The following AKT2 variants were observed in gnomAD, a reference collection of about 807,000 sequenced individuals.
The protein encoded by AKT2 is RAC-beta serine/threonine-protein kinase.
Under a neutral mutation model 58.6 loss-of-function variants are expected in AKT2, and 16 were observed. The observed-to-expected ratio is 0.27, with a 90% CI of 0.18 to 0.41. The LOEUF (loss-of-function observed/expected upper bound fraction) is 0.41, where lower values mean the gene tolerates loss of function less well. AKT2 is among the 10% of genes least tolerant of loss of function. The pLI, the probability that AKT2 is intolerant of heterozygous loss-of-function variation, is 1.00. For synonymous variants in AKT2, 253 were observed against 254.0 expected (o/e 1.00, Z 0.04); for missense variants, 438 against 661.0 (o/e 0.66, Z 3.70).
At chr19:40,245,161 C>T (rs1366760267) in intron 4 of AKT2, among the ~76,000 whole-genome samples, 2 of 152,108 alleles carry the variant, frequency 1.3e-5, no homozygotes, top group Non-Finnish European at 2.9e-5. Context: ...GGCATCTGTG[C>T]AATGAGACAT....
At chr19:40,253,748 G>A (rs1463590263) in intron 4 of AKT2, among the ~76,000 whole-genome samples, 1 of 152,050 alleles carries the variant, frequency 6.6e-6, no homozygotes, top group East Asian at 1.9e-4. Context: ...GACAGACACG[G>A]CTATTTCACT....
In AKT2 at chr19:40,233,551, G is replaced by A. The variant is rs1369565132; in HGVS notation, c.*321C>T. ...GACACCCAGGCCAGAAACTCAGGCA[G>A]GCCCCAGGCGCCATGCTTCACCCCT... On this transcript the variant is annotated 3_prime_UTR_variant, in exon 14 of 14. Transcript: ENST00000392038. This position sits in a 1 kb window ranked among gnomAD's most constrained non-coding sequence, Gnocchi z 4.3. 1.5e-6 allele frequency: 1 copy of A among 659,002 alleles called. No homozygotes were observed. Among genetic ancestry groups the A allele is most frequent in the Non-Finnish European group, 2.9e-6 (1 of 349,258 alleles). The allele number at this position is 659,002 out of a possible 1,614,324, so 40.8% of individuals were successfully genotyped here. A position where few individuals can be genotyped will look rare whatever the true frequency, so the allele number is the denominator to read the frequency against.
chr19:40,281,446 C>G lies in AKT2; in HGVS notation c.-85+3735G>C, dbSNP rs914689882. On this transcript the variant is annotated intron_variant, in intron 1 of 13. Transcript: ENST00000392038. ...GGTCAAGCCTGCAGTGAGCTGTGAT[C>G]ACACCACTGCACTCCAGCCTGGGTG... is the stretch of plus-strand genomic sequence containing the variant. Among the ~76,000 whole-genome samples the G allele has an allele frequency of 2.6e-5, 4 of 152,044 alleles. No homozygotes were observed. The South Asian group carries it at 8.3e-4, about 31-fold the overall frequency.
Position 40,240,730 on chromosome 19 carries a change from T to A in AKT2, c.574-620A>T, listed in dbSNP as rs182954706. The stretch of plus-strand genomic sequence containing the variant: ...TGCAGCAACGTGAACACAGGCTCTC[T>A]CTGGGGCAAGTTTATCCCCAGGGGA... On this transcript the variant is annotated intron_variant, in intron 6 of 13. Coordinates refer to ENST00000392038, the MANE Select transcript of AKT2 (RefSeq NM_001626.6). The A allele has an allele frequency of 1.0e-4, 19 of 188,498 alleles. No individual in the cohort carries two copies. The East Asian group carries it at 1.2e-3, about 12-fold the overall frequency. The allele number at this position is 188,498 out of a possible 1,614,324, so 11.7% of individuals were successfully genotyped here.
intron 1 of AKT2, among the ~76,000 whole-genome samples, chr19:40,284,461 C>G (rs2077478124): frequency 6.6e-6 from 1 of 152,144 alleles, no homozygotes; most frequent in African/African-American, 2.4e-5. Flanking sequence ...CCCCAGTAAC[C>G]ATGACGTTCC....
chr19:40,263,978 G>T (rs1489980107), intron 2 of AKT2, among the ~76,000 whole-genome samples: 2 of 152,184 alleles, frequency 1.3e-5, no homozygotes, highest in Non-Finnish European at 2.9e-5. Flanking sequence ...CACGTTGCTT[G>T]TTTTTTCTCC....
chr19:40,246,780 A>T (rs1974778505), intron 4 of AKT2, among the ~76,000 whole-genome samples: 1 of 152,210 alleles, frequency 6.6e-6, no homozygotes. Flanking sequence ...TCCAGATGGG[A>T]ATCAGGAGCA....
intron 7 of AKT2, 65 bp from the exon 8 acceptor site, chr19:40,239,038 G>A: frequency 2.6e-6 from 4 of 1,553,384 alleles, no homozygotes; most frequent in Non-Finnish European, 8.8e-7. Context: ...CCATGCCAGG[G>A]CAGGGCCCTG....
At chr19:40,282,562 G>C (rs1042456104) in intron 1 of AKT2, 3 of 532,222 alleles carry the variant, frequency 5.6e-6, no homozygotes, top group Admixed American at 3.9e-5. Flanking sequence ...AGGAAGGAAA[G>C]ACATAGGACA....
chr19:40,276,086 T>C (rs1006761880), intron 1 of AKT2, among the ~76,000 whole-genome samples: 1 of 151,342 alleles, frequency 6.6e-6, no homozygotes, highest in Non-Finnish European at 1.5e-5. Context: ...TTCCTGCTAA[T>C]TAAGCACCGG....
Position 40,234,057 on chromosome 19 carries a change from G to A in AKT2, c.1367-106C>T. ...CCCAGCTGGCGGGGGCTGCCCACAG[G>A]ACAGGACAGGAAAGGCCCATCCCTC... On this transcript the variant is annotated intron_variant, in intron 13 of 13. Transcript: ENST00000392038. This position sits in a 1 kb window ranked among gnomAD's most constrained non-coding sequence, Gnocchi z 4.7. 1.7e-6 allele frequency: 2 copies of A among 1,151,516 alleles called. No homozygotes were observed. Among genetic ancestry groups the A allele is most frequent in the South Asian group, 1.4e-5 (1 of 71,618 alleles). The allele number at this position is 1,151,516 out of a possible 1,614,324, so 71.3% of individuals were successfully genotyped here.
At chr19:40,244,904 G>A (rs888957633) in intron 4 of AKT2, among the ~76,000 whole-genome samples, 10 of 152,176 alleles carry the variant, frequency 6.6e-5, no homozygotes, top group Non-Finnish European at 1.3e-4. Context: ...CCCCAGTCTC[G>A]TTTCCTGGTG....
At chr19:40,241,070 G>T in intron 6 of AKT2, 1 of 152,582 alleles carries the variant, frequency 6.6e-6, no homozygotes, top group Non-Finnish European at 1.5e-5. Context: ...TTACAGGCGT[G>T]AGCTGTGGCG....
chr19:40,239,833 T>C (rs544914914), intron 7 of AKT2: 4 of 703,878 alleles, frequency 5.7e-6, no homozygotes, highest in African/African-American at 1.7e-5. Context: ...GAAGCCACCA[T>C]CTATGAAGAA....
intron 4 of AKT2, among the ~76,000 whole-genome samples, chr19:40,248,214 G>A (rs1187607049): frequency 1.3e-5 from 2 of 152,104 alleles, no homozygotes; most frequent in Non-Finnish European, 2.9e-5. Context: ...GGCACTAGAG[G>A]GTCCTATCAG....
chr19:40,246,304 T>G (rs1163926827), intron 4 of AKT2, among the ~76,000 whole-genome samples: 1 of 152,136 alleles, frequency 6.6e-6, no homozygotes, highest in East Asian at 1.9e-4. Flanking sequence ...TTTTGTATTT[T>G]TAGTAGAGAC....
chr19:40,251,116 A>C (rs557010686), intron 4 of AKT2, among the ~76,000 whole-genome samples: 3 of 151,938 alleles, frequency 2.0e-5, no homozygotes, highest in Non-Finnish European at 4.4e-5. Context: ...AGGCGTAAGG[A>C]TGGATTAAGC....
At chr19:40,244,015 G>A (rs999402105) in intron 4 of AKT2, 1 of 150,016 alleles carries the variant, frequency 6.7e-6, no homozygotes, top group South Asian at 2.1e-4. Context: ...CTGCACTCCA[G>A]CCTGGACAAC....
Position 40,233,497 on chromosome 19 carries a change from T to G in AKT2, c.*375A>C, listed in dbSNP as rs1973819623. On this transcript the variant is annotated 3_prime_UTR_variant, in exon 14 of 14. Transcript: ENST00000392038. The surrounding 1 kb of genome is among the most constrained non-coding windows in gnomAD (Gnocchi z 4.3). ...CACCAGAAGGCAGCCTTCGTCCAGATGCAGCAGCGCGGAGGCAGACACCAG... is the reference window on the plus strand; with the variant it reads ...CACCAGAAGGCAGCCTTCGTCCAGAGGCAGCAGCGCGGAGGCAGACACCAG... 1.7e-6 allele frequency: 1 copy of G among 577,442 alleles called. No individual in the cohort carries two copies. Among genetic ancestry groups the G allele is most frequent in the Non-Finnish European group, 3.3e-6 (1 of 299,902 alleles). The allele number at this position is 577,442 out of a possible 1,614,324, so 35.8% of individuals were successfully genotyped here. A position where few individuals can be genotyped will look rare whatever the true frequency, so the allele number is the denominator to read the frequency against.
Sources: gnomAD v4.1 joint callset for allele counts (sites outside exome capture counted in the v4.1 genomes callset) on GRCh38, gnomAD v4.1.1 for gene constraint, Gnocchi (gnomAD v3.1) non-coding constraint, MANE v1.5 for transcripts, NCBI Gene and HGNC (gene_info 2026-07-23, HGNC 2026-07-21) for gene names.